Variants in NCKAP5 observed in about 807,000 individuals in gnomAD.
NCKAP5 encodes the protein NCK associated protein 5, also known as nck-associated protein 5.
Under a neutral mutation model 167.0 loss-of-function variants are expected in NCKAP5, and 92 were observed. The observed-to-expected ratio is 0.55, with a 90% CI of 0.47 to 0.66. The LOEUF is 0.66. NCKAP5 is among the 30% of genes least tolerant of loss of function. The pLI, the probability that NCKAP5 is intolerant of heterozygous loss-of-function variation, is 0.00. For synonymous variants in NCKAP5, 891 were observed against 877.4 expected, an observed-to-expected ratio of 1.02 and a Z score of -0.27; for missense variants, 2,378 against 2,315.0, an observed-to-expected ratio of 1.03 and a Z score of -0.56.
chr2:132,819,931 A>T (rs1420144970), intron 11 of NCKAP5, among the ~76,000 whole-genome samples: 1 of 152,164 alleles, frequency 6.6e-6, no homozygotes, highest in Admixed American at 6.5e-5. Flanking sequence ...GAAAGATTTG[A>T]GCTGCATTCT....
chr2:133,569,221 C>G (rs191024429), upstream of NCKAP5, among the ~76,000 whole-genome samples: 1 of 152,234 alleles, frequency 6.6e-6, no homozygotes, highest in Admixed American at 6.5e-5. Context: ...ATTTTCCACT[C>G]TCTCATGGAA....
chr2:133,258,490 C>T (rs1323628256), intron 4 of NCKAP5, among the ~76,000 whole-genome samples: 1 of 152,092 alleles, frequency 6.6e-6, no homozygotes, highest in Non-Finnish European at 1.5e-5. Flanking sequence ...ACCTGAAATC[C>T]CAGCACTTTG....
intron 3 of NCKAP5, among the ~76,000 whole-genome samples, chr2:133,427,473 C>T (rs964836066): frequency 6.6e-6 from 1 of 152,100 alleles, no homozygotes; most frequent in East Asian, 1.9e-4. Context: ...TAGATAATTC[C>T]CATATAATTT....
chr2:133,345,118 C>T (rs1283231541), intron 3 of NCKAP5, among the ~76,000 whole-genome samples: 2 of 152,060 alleles, frequency 1.3e-5, no homozygotes, highest in African/African-American at 2.4e-5. Context: ...CAAAATATCT[C>T]CTGTTAAGCT....
At chr2:133,406,862 T>C (rs548823594) in intron 3 of NCKAP5, among the ~76,000 whole-genome samples, 2 of 152,216 alleles carry the variant, frequency 1.3e-5, no homozygotes, top group Non-Finnish European at 2.9e-5. Flanking sequence ...AAGCCCCACC[T>C]TGCCCTTCCT....
At chr2:133,353,195 C>T (rs1684482378) in intron 3 of NCKAP5, among the ~76,000 whole-genome samples, 1 of 152,154 alleles carries the variant, frequency 6.6e-6, no homozygotes, top group African/African-American at 2.4e-5. Context: ...GTAAAATCAG[C>T]CTGCAAATCT....
chr2:133,667,740 A>G, the NCKAP5 span, among the ~76,000 whole-genome samples: 1 of 152,034 alleles, frequency 6.6e-6, no homozygotes, highest in Non-Finnish European at 1.5e-5. Context: ...AATATGTCCA[A>G]TTAACTAGTT....
chr2:132,968,103 G>A (rs1433367717), intron 7 of NCKAP5, among the ~76,000 whole-genome samples: 1 of 152,186 alleles, frequency 6.6e-6, no homozygotes, highest in African/African-American at 2.4e-5. Flanking sequence ...AGGCTAGCAG[G>A]AAATGAGATC....
At chr2:133,597,628 C>T in the NCKAP5 span, among the ~76,000 whole-genome samples, 1 of 145,140 alleles carries the variant, frequency 6.9e-6, no homozygotes, top group Non-Finnish European at 1.5e-5. Context: ...AAGATCGCGC[C>T]TCCAAGATGC....
intron 8 of NCKAP5, among the ~76,000 whole-genome samples, chr2:132,927,150 C>A (rs1032593926): frequency 2.0e-5 from 3 of 152,104 alleles, no homozygotes; most frequent in Non-Finnish European, 2.9e-5. Flanking sequence ...ATGTTTCTGT[C>A]AACTTTGTCA....
intron 2 of NCKAP5, among the ~76,000 whole-genome samples, chr2:133,547,004 C>G (rs1042214403): frequency 6.6e-6 from 1 of 152,124 alleles, no homozygotes; most frequent in Non-Finnish European, 1.5e-5. Flanking sequence ...ACAGTGGGCG[C>G]AGGCCAGTGG....
At chr2:133,383,241 G>T (rs926993304) in intron 3 of NCKAP5, among the ~76,000 whole-genome samples, 12 of 152,110 alleles carry the variant, frequency 7.9e-5, no homozygotes, top group Admixed American at 3.9e-4. Context: ...ACAGGCCCTG[G>T]TGTGTGATGT....
chr2:132,940,749 G>A (rs1035417293), intron 8 of NCKAP5, among the ~76,000 whole-genome samples: 1 of 151,294 alleles, frequency 6.6e-6, no homozygotes, highest in Non-Finnish European at 1.5e-5. Context: ...CTCTAATCAT[G>A]CCACAAGATT....
In NCKAP5 at chr2:132,784,033, G is replaced by C; in HGVS notation, c.2778C>G (p.Ser926=). 1 of 1,549,102 alleles carries C rather than the reference G, an allele frequency of 6.5e-7. No homozygotes were observed. The highest frequency in any genetic ancestry group is 8.7e-7 in the Non-Finnish European group (1 of 1,151,454). ...CGSGPEAGVK[S]PSPPPPPGRS... ...TGCCTGGAGGGGGCGGAGGGGAAGGGGATTTCACCCCTGCCTCCGGCCCAG... is the reference window on the plus strand; with the variant it reads ...TGCCTGGAGGGGGCGGAGGGGAAGGCGATTTCACCCCTGCCTCCGGCCCAG... Residue 926 remains serine (S), a synonymous_variant, in exon 14 of 20, where the codon TCC becomes TCG. Coordinates refer to ENST00000409261, the MANE Select transcript of NCKAP5 (RefSeq NM_207363.3).
intron 9 of NCKAP5, among the ~76,000 whole-genome samples, chr2:132,869,591 T>C: frequency 6.6e-6 from 1 of 152,176 alleles, no homozygotes; most frequent in East Asian, 1.9e-4. Context: ...CCCAATCTTT[T>C]GGGGCTGGGC....
intron 19 of NCKAP5, among the ~76,000 whole-genome samples, chr2:132,714,613 T>A (rs1212272287): frequency 1.3e-5 from 2 of 151,082 alleles, no homozygotes; most frequent in Non-Finnish European, 2.9e-5. Context: ...AGGTTGGGAG[T>A]TTGAGACCAG....
chr2:133,457,944 G>A (rs769478861), intron 3 of NCKAP5, among the ~76,000 whole-genome samples: 25 of 152,106 alleles, frequency 1.6e-4, no homozygotes, highest in Non-Finnish European at 2.8e-4. Flanking sequence ...AAGTGTGTAC[G>A]CCCTTTCCCA....
At chr2:133,494,303 T>A (rs1403170512) in intron 3 of NCKAP5, among the ~76,000 whole-genome samples, 8 of 152,180 alleles carry the variant, frequency 5.3e-5, no homozygotes, top group African/African-American at 9.6e-5. Context: ...ACCTTGGGCT[T>A]AGGGCTTTAC....
At chr2:133,406,779 T>C (rs1250371403) in intron 3 of NCKAP5, among the ~76,000 whole-genome samples, 1 of 152,192 alleles carries the variant, frequency 6.6e-6, no homozygotes, top group Non-Finnish European at 1.5e-5. Flanking sequence ...GTCTATACTG[T>C]CCCATTCCCA....
Sources: allele counts gnomAD v4.1 joint callset (sites outside exome capture counted in the v4.1 genomes callset), GRCh38; gene constraint gnomAD v4.1.1; transcripts MANE v1.5; gene names NCBI Gene and HGNC (gene_info 2026-07-23, HGNC 2026-07-21).